The following ANO2 variants were observed in gnomAD, a reference collection of about 807,000 sequenced individuals.
ANO2 encodes anoctamin-2.
A neutral mutation model predicts 124.2 loss-of-function variants in ANO2; 101 were observed. That is an observed-to-expected ratio of 0.81 (90% CI 0.69 to 0.96). The LOEUF is 0.96. Ranked by LOEUF, ANO2 falls within the 40% of genes least tolerant of loss-of-function variation. ANO2 has a pLI of 0.00. For synonymous variants in ANO2, 486 were observed against 482.5 expected (o/e 1.01, Z -0.09); for missense variants, 1,293 against 1,274.5 (o/e 1.01, Z -0.22).
At chr12:5,646,170 T>A (rs1276479717) in intron 15 of ANO2, among the ~76,000 whole-genome samples, 1 of 152,270 alleles carries the variant, frequency 6.6e-6, no homozygotes, top group African/African-American at 2.4e-5. Context: ...CCTGCTCCCA[T>A]AAAACCACCA....
chr12:5,699,927 C>A (rs888026820), intron 14 of ANO2, among the ~76,000 whole-genome samples: 2 of 152,218 alleles, frequency 1.3e-5, no homozygotes, highest in Non-Finnish European at 2.9e-5. Context: ...CAGGAGCACT[C>A]AGATTCATAA....
intron 14 of ANO2, among the ~76,000 whole-genome samples, chr12:5,668,952 T>C (rs7980461): frequency 0.43 from 65,630 of 151,894 alleles, 15,463 homozygotes; most frequent in Middle Eastern, 0.59. Flanking sequence ...ACTGTAGCCT[T>C]GTAGTACAGT....
chr12:5,782,447 T>C lies in ANO2; in HGVS notation c.1055+17060A>G, dbSNP rs187288101. Among the ~76,000 whole-genome samples the C allele has an allele frequency of 9.8e-5, 15 of 152,370 alleles. No homozygotes were observed. In the East Asian group the frequency reaches 1.2e-3, roughly 12 times the overall value. ...TTTATACTTAATGTAATTATCATTATGGATTTAAGTTTCCTACCTATCTCG... is the reference window on the plus strand; with the variant it reads ...TTTATACTTAATGTAATTATCATTACGGATTTAAGTTTCCTACCTATCTCG... On this transcript the variant is annotated intron_variant, in intron 10 of 24. Transcript: ENST00000682330.
At chr12:5,705,433 G>A (rs1477109951) in intron 14 of ANO2, among the ~76,000 whole-genome samples, 2 of 152,200 alleles carry the variant, frequency 1.3e-5, no homozygotes, top group African/African-American at 4.8e-5. Flanking sequence ...AAGAATCACA[G>A]GTACACTTCC....
At chr12:5,720,597 C>G (rs1950190704) in intron 14 of ANO2, among the ~76,000 whole-genome samples, 1 of 152,352 alleles carries the variant, frequency 6.6e-6, no homozygotes, top group South Asian at 2.1e-4. Flanking sequence ...CTCCTAGCAA[C>G]TACGCTATTC....
At chr12:5,762,491 C>T (rs1195783621) in intron 10 of ANO2, among the ~76,000 whole-genome samples, 1 of 151,722 alleles carries the variant, frequency 6.6e-6, no homozygotes, top group East Asian at 1.9e-4. Flanking sequence ...ATAAGAGAAA[C>T]AACACTATAT....
chr12:5,812,085 A>G (rs1591644623), intron 7 of ANO2, among the ~76,000 whole-genome samples: 1 of 69,564 alleles, frequency 1.4e-5, no homozygotes, highest in African/African-American at 5.7e-5. Flanking sequence ...GGGGAGAGGA[A>G]GGGATGGGAG....
intron 4 of ANO2, among the ~76,000 whole-genome samples, chr12:5,835,878 A>C (rs1224279687): frequency 1.3e-5 from 2 of 152,206 alleles, no homozygotes; most frequent in African/African-American, 2.4e-5. Flanking sequence ...AGACCACCTC[A>C]CACTGTCACA....
intron 14 of ANO2, among the ~76,000 whole-genome samples, chr12:5,666,416 C>T (rs1358242674): frequency 6.6e-6 from 1 of 152,170 alleles, no homozygotes; most frequent in Non-Finnish European, 1.5e-5. Context: ...TCTTCTTTCA[C>T]CCCTTATTCA....
chr12:5,784,736 T>C (rs1015169951), intron 10 of ANO2, among the ~76,000 whole-genome samples: 3 of 152,160 alleles, frequency 2.0e-5, no homozygotes, highest in African/African-American at 7.2e-5. Flanking sequence ...TCTCCACCAA[T>C]GCCTTACAAC....
chr12:5,578,856 G>C (rs1382756303), intron 20 of ANO2, among the ~76,000 whole-genome samples: 1 of 152,140 alleles, frequency 6.6e-6, no homozygotes, highest in Non-Finnish European at 1.5e-5. Context: ...TTAGTAAAAG[G>C]CCAGATCATA....
At position 5,875,417 on chromosome 12, in the gene ANO2, C is replaced by T. The variant is rs551814966; in HGVS notation, c.535-21276G>A. On this transcript the variant is annotated intron_variant, in intron 3 of 24. Transcript: ENST00000682330. ...TAAAGGGTACTCCTTCCTGCTACAT[C>T]AAAAGGCACATGAACTGATCAAAAG... Among the ~76,000 whole-genome samples the T allele has an allele frequency of 9.9e-4, 151 of 152,328 alleles. 1 individual carries two copies. The highest frequency in any genetic ancestry group is 1.8e-3 in the Non-Finnish European group (121 of 68,028).
At chr12:5,789,282 G>A (rs1409149113) in intron 10 of ANO2, among the ~76,000 whole-genome samples, 3 of 152,240 alleles carry the variant, frequency 2.0e-5, no homozygotes, top group African/African-American at 7.2e-5. Context: ...GCTGAGGACT[G>A]GGCAGAATGT....
chr12:5,817,359 C>T (rs988262883), intron 7 of ANO2, among the ~76,000 whole-genome samples: 1 of 152,190 alleles, frequency 6.6e-6, no homozygotes, highest in Non-Finnish European at 1.5e-5. Context: ...GCAGGCTGGG[C>T]ATTTTTAAAT....
chr12:5,657,191 G>T (rs1382086805), intron 14 of ANO2, among the ~76,000 whole-genome samples: 1 of 152,234 alleles, frequency 6.6e-6, no homozygotes, highest in Non-Finnish European at 1.5e-5. Context: ...GGGATTTAGA[G>T]ATTGACTTGA....
intron 13 of ANO2, 58 bp downstream of exon 13, chr12:5,739,259 G>C: frequency 2.1e-6 from 3 of 1,438,800 alleles, no homozygotes; most frequent in Non-Finnish European, 2.9e-6. Flanking sequence ...TCCATTTCCA[G>C]GGTCAAAACA....
intron 14 of ANO2, among the ~76,000 whole-genome samples, chr12:5,659,340 C>G (rs1427911315): frequency 6.6e-6 from 1 of 152,186 alleles, no homozygotes; most frequent in Non-Finnish European, 1.5e-5. Flanking sequence ...CTCCTGTCAC[C>G]ATAATGTCAG....
chr12:5,668,042 G>T (rs1241647408), intron 14 of ANO2, among the ~76,000 whole-genome samples: 1 of 152,182 alleles, frequency 6.6e-6, no homozygotes, highest in Non-Finnish European at 1.5e-5. Flanking sequence ...GTAATAGAAT[G>T]ATTTATATTC....
At chr12:5,770,296 C>G (rs1952037901) in intron 10 of ANO2, among the ~76,000 whole-genome samples, 1 of 152,130 alleles carries the variant, frequency 6.6e-6, no homozygotes, top group Non-Finnish European at 1.5e-5. Flanking sequence ...CATATTCTTC[C>G]AGCTCATTGG....
Sources: gnomAD v4.1 joint callset for allele counts (sites outside exome capture counted in the v4.1 genomes callset) on GRCh38, gnomAD v4.1.1 for gene constraint, MANE v1.5 for transcripts, NCBI Gene and HGNC (gene_info 2026-07-23, HGNC 2026-07-21) for gene names.